Variants in CNKSR3 observed in about 807,000 individuals in gnomAD.
The protein encoded by CNKSR3 is connector enhancer of kinase suppressor of ras 3.
A neutral mutation model predicts 67.7 loss-of-function variants in CNKSR3; 36 were observed. That is an observed-to-expected ratio of 0.53 (90% confidence interval 0.41 to 0.70). CNKSR3 has a LOEUF of 0.70. Among genes scored for constraint, CNKSR3 ranks in the 30% least tolerant of loss-of-function variants. The probability of loss-of-function intolerance (pLI) is 0.00; values close to 1 mark genes in which losing one functional copy is unlikely to be tolerated. For synonymous variants in CNKSR3, 281 were observed against 271.4 expected (o/e 1.04, Z -0.35); for missense variants, 630 against 695.2 (o/e 0.91, Z 1.05).
intron 9 of CNKSR3, among the ~76,000 whole-genome samples, chr6:154,418,356 C>T (rs760241091): frequency 3.3e-5 from 5 of 152,164 alleles, no homozygotes; most frequent in Non-Finnish European, 5.9e-5. Context: ...GGATGTACAC[C>T]TAAGACTCTG....
At chr6:154,504,437 A>G (rs1205162838) in intron 1 of CNKSR3, among the ~76,000 whole-genome samples, 1 of 152,220 alleles carries the variant, frequency 6.6e-6, no homozygotes, top group Non-Finnish European at 1.5e-5. Context: ...AGCAATAAAA[A>G]CAAGGAGTAG....
chr6:154,464,565 A>G (rs979363127), intron 1 of CNKSR3, among the ~76,000 whole-genome samples: 13 of 151,560 alleles, frequency 8.6e-5, no homozygotes, highest in African/African-American at 2.9e-4. Flanking sequence ...AATACAAAAA[A>G]TTAGCCATGC....
At chr6:154,476,890 A>C (rs1786463664) in intron 1 of CNKSR3, among the ~76,000 whole-genome samples, 1 of 152,226 alleles carries the variant, frequency 6.6e-6, no homozygotes, top group Non-Finnish European at 1.5e-5. Flanking sequence ...TCCAGGTTTA[A>C]AGACCTTAAA....
intron 9 of CNKSR3, among the ~76,000 whole-genome samples, chr6:154,418,714 C>T (rs1785072975): frequency 6.6e-6 from 1 of 152,164 alleles, no homozygotes; most frequent in African/African-American, 2.4e-5. Flanking sequence ...CCAATGCCAA[C>T]AGAAACAGCT....
chr6:154,495,204 C>T (rs772096890), intron 1 of CNKSR3, among the ~76,000 whole-genome samples: 2 of 152,132 alleles, frequency 1.3e-5, no homozygotes, highest in Non-Finnish European at 2.9e-5. Flanking sequence ...AGAGAGGGCA[C>T]TGCATTTTCT....
At chr6:154,487,781 G>A (rs1311932385) in intron 1 of CNKSR3, among the ~76,000 whole-genome samples, 1 of 152,170 alleles carries the variant, frequency 6.6e-6, no homozygotes, top group Non-Finnish European at 1.5e-5. Flanking sequence ...TTTATAGGCT[G>A]ATTCCAACTT....
chr6:154,441,140 A>G, intron 4 of CNKSR3, 152 bp downstream of exon 4: 1 of 527,318 alleles, frequency 1.9e-6, no homozygotes, highest in African/African-American at 1.9e-5. Context: ...TCTAATTTAA[A>G]GCCTTTCATC....
chr6:154,502,486 C>T (rs924174013), intron 1 of CNKSR3, among the ~76,000 whole-genome samples: 90 of 151,900 alleles, frequency 5.9e-4, no homozygotes, highest in Non-Finnish European at 2.6e-4. Context: ...CGTGAGCCAC[C>T]ACACCCAGCC....
intron 1 of CNKSR3, among the ~76,000 whole-genome samples, chr6:154,481,117 CTTAT>C (rs557230899): frequency 2.2e-4 from 32 of 147,444 alleles, no homozygotes; most frequent in African/African-American, 6.5e-4. Flanking sequence ...TATGTATTTG[CTTAT>C]TTATTTGTGC....
At chr6:154,466,003 A>T (rs1786190681) in intron 1 of CNKSR3, among the ~76,000 whole-genome samples, 1 of 152,234 alleles carries the variant, frequency 6.6e-6, no homozygotes, top group African/African-American at 2.4e-5. Flanking sequence ...AGCCATATGC[A>T]ACTGACTGCC....
chr6:154,450,982 T>C (rs1785813864), intron 1 of CNKSR3, among the ~76,000 whole-genome samples: 1 of 152,206 alleles, frequency 6.6e-6, no homozygotes, highest in Non-Finnish European at 1.5e-5. Flanking sequence ...CCCTAGAATA[T>C]TTCACTTAAG....
chr6:154,400,808 C>G lies in CNKSR3; in HGVS notation c.*5546G>C, dbSNP rs947798877. On this transcript the variant is annotated 3_prime_UTR_variant, in exon 13 of 13. Coordinates refer to ENST00000607772, the MANE Select transcript of CNKSR3 (RefSeq NM_173515.4). The stretch of plus-strand genomic sequence containing the variant: ...AATTAGCACACTTCTGGCAATAATT[C>G]TGGCCCCAAATAAATAGAAACTTTA... 6.6e-6 allele frequency: 1 copy of G among 152,180 alleles called. No homozygotes were observed. Among genetic ancestry groups the G allele is most frequent in the South Asian group, 2.1e-4 (1 of 4,832 alleles). The allele number at this position is 152,180 out of a possible 1,614,324, so 9.4% of individuals were successfully genotyped here. A position where few individuals can be genotyped will look rare whatever the true frequency, so the allele number is the denominator to read the frequency against.
At chr6:154,493,969 C>T (rs112317090) in intron 1 of CNKSR3, among the ~76,000 whole-genome samples, 2 of 152,046 alleles carry the variant, frequency 1.3e-5, no homozygotes, top group African/African-American at 4.8e-5. Flanking sequence ...CTAATGTGTT[C>T]CAGTGACACT....
intron 1 of CNKSR3, among the ~76,000 whole-genome samples, chr6:154,497,007 C>T (rs1332736844): frequency 1.3e-5 from 2 of 152,050 alleles, no homozygotes; most frequent in African/African-American, 4.8e-5. Context: ...GATAAAAGCA[C>T]CCGATATCAA....
At chr6:154,420,007 G>A (rs1412729088) in intron 9 of CNKSR3, among the ~76,000 whole-genome samples, 1 of 152,080 alleles carries the variant, frequency 6.6e-6, no homozygotes, top group African/African-American at 2.4e-5. Flanking sequence ...GCTTGAACCT[G>A]GGAGGTGGAG....
intron 10 of CNKSR3, 135 bp downstream of exon 10, chr6:154,414,164 T>C: frequency 2.3e-6 from 2 of 879,568 alleles, no homozygotes; most frequent in Non-Finnish European, 3.3e-6. Context: ...ATCATACTTT[T>C]AACGGCAGTT....
rs557464834 is a variant in CNKSR3 at position 154,428,198 on chromosome 6, T to A, written c.670-11A>T. 8.4e-5 allele frequency: 133 copies of A among 1,587,172 alleles called. No individual in the cohort carries two copies. The highest frequency in any genetic ancestry group is 5.7e-4 in the Admixed American group (34 of 59,964). On this transcript the variant is annotated splice_polypyrimidine_tract_variant and intron_variant, in intron 6 of 12. Transcript: ENST00000607772. ...TTTGATGTACATGCCCTGGAGTGAA[T>A]CACAAATAGATTAACTCATTACTCC...
chr6:154,480,333 A>C (rs138799802), intron 1 of CNKSR3, among the ~76,000 whole-genome samples: 93 of 152,272 alleles, frequency 6.1e-4, no homozygotes, highest in African/African-American at 2.1e-3. Context: ...CTAAATGCTC[A>C]AGGTCATACT....
chr6:154,493,441 T>C, intron 1 of CNKSR3, among the ~76,000 whole-genome samples: 1 of 152,170 alleles, frequency 6.6e-6, no homozygotes, highest in East Asian at 1.9e-4. Context: ...CTCAGAACAG[T>C]GCATGGCACA....
Sources: gnomAD v4.1 joint callset for allele counts (sites outside exome capture counted in the v4.1 genomes callset) on GRCh38, gnomAD v4.1.1 for gene constraint, MANE v1.5 for transcripts, NCBI Gene and HGNC (gene_info 2026-07-23, HGNC 2026-07-21) for gene names.